The following NEGR1 variants were observed in gnomAD, a reference collection of about 807,000 sequenced individuals.
NEGR1 encodes the protein neuronal growth regulator 1, also known as IgLON family member 4.
In NEGR1, 10 loss-of-function variants were observed where a neutral mutation model predicts 40.9. That is an observed-to-expected ratio of 0.24 (90% CI 0.15 to 0.42). The LOEUF (loss-of-function observed/expected upper bound fraction) is 0.42, where lower values mean the gene tolerates loss of function less well. NEGR1 is among the 10% of genes least tolerant of loss of function. The probability of loss-of-function intolerance (pLI) is 1.00; values close to 1 mark genes in which losing one functional copy is unlikely to be tolerated. For synonymous variants in NEGR1, 185 were observed against 166.8 expected (o/e 1.11, Z -0.84); for missense variants, 352 against 438.9 (o/e 0.80, Z 1.77).
At chr1:71,824,326 A>G (rs1396103419) in intron 2 of NEGR1, among the ~76,000 whole-genome samples, 2 of 151,796 alleles carry the variant, frequency 1.3e-5, no homozygotes, top group Non-Finnish European at 2.9e-5. Flanking sequence ...TGCTAAATAT[A>G]TAAATACATT....
rs186845574 is a variant in NEGR1 at position 72,134,493 on chromosome 1, C to T, written c.176+147826G>A. 2.9e-3 allele frequency among the ~76,000 whole-genome samples: 440 copies of T among 151,402 alleles called. 1 individual carries two copies. The highest frequency in any genetic ancestry group is 5.4e-3 in the Non-Finnish European group (363 of 67,792). ...TGCTGGGATTACAAGCGTGAGCCACCGCACCTGGCTATTTTTTGGGGAAAT... is the reference window on the plus strand; with the variant it reads ...TGCTGGGATTACAAGCGTGAGCCACTGCACCTGGCTATTTTTTGGGGAAAT... On this transcript the variant is annotated intron_variant, in intron 1 of 6. Transcript: ENST00000357731.
intron 5 of NEGR1, among the ~76,000 whole-genome samples, chr1:71,598,409 A>G (rs1649799420): frequency 6.6e-6 from 1 of 152,162 alleles, no homozygotes; most frequent in African/African-American, 2.4e-5. Context: ...TACTATCTGG[A>G]TATATCTCTG....
At chr1:71,420,284 T>C (rs1450860100) in intron 6 of NEGR1, among the ~76,000 whole-genome samples, 1 of 152,090 alleles carries the variant, frequency 6.6e-6, no homozygotes, top group Non-Finnish European at 1.5e-5. Flanking sequence ...AATATATACA[T>C]TTAAACATAT....
At chr1:72,027,804 G>A (rs988647187) in intron 1 of NEGR1, among the ~76,000 whole-genome samples, 5 of 152,120 alleles carry the variant, frequency 3.3e-5, no homozygotes, top group African/African-American at 9.7e-5. Flanking sequence ...GGTGATCCCT[G>A]GACAGATAGC....
intron 1 of NEGR1, among the ~76,000 whole-genome samples, chr1:72,202,016 C>T (rs138894509): frequency 6.6e-6 from 1 of 152,030 alleles, no homozygotes; most frequent in Non-Finnish European, 1.5e-5. Flanking sequence ...ACATCACGTA[C>T]TTACTTCATG....
intron 1 of NEGR1, among the ~76,000 whole-genome samples, chr1:72,265,676 T>C (rs1655613906): frequency 6.6e-6 from 1 of 151,050 alleles, no homozygotes; most frequent in Admixed American, 6.6e-5. Context: ...AGGCATGCAC[T>C]ATTAAGCATA....
At chr1:72,166,954 G>T (rs1005561955) in intron 1 of NEGR1, among the ~76,000 whole-genome samples, 1 of 152,026 alleles carries the variant, frequency 6.6e-6, no homozygotes, top group Non-Finnish European at 1.5e-5. Context: ...TGGCTTGATT[G>T]AAGTGACAGA....
At chr1:72,115,414 C>T (rs546774207) in intron 1 of NEGR1, among the ~76,000 whole-genome samples, 14 of 151,766 alleles carry the variant, frequency 9.2e-5, no homozygotes, top group African/African-American at 3.1e-4. Flanking sequence ...TTAATCCCTA[C>T]AATTGTGTAG....
At chr1:71,602,865 G>A (rs1557583652) in intron 5 of NEGR1, among the ~76,000 whole-genome samples, 1 of 152,230 alleles carries the variant, frequency 6.6e-6, no homozygotes, top group South Asian at 2.1e-4. Context: ...TGTCTCACAC[G>A]GGCATGTGCT....
At chr1:72,058,949 T>A (rs1047819672) in intron 1 of NEGR1, among the ~76,000 whole-genome samples, 6 of 151,678 alleles carry the variant, frequency 4.0e-5, no homozygotes, top group Non-Finnish European at 8.9e-5. Context: ...ATTTCTATTG[T>A]GGGGATTGTA....
chr1:72,214,941 G>T (rs1236653366), intron 1 of NEGR1, among the ~76,000 whole-genome samples: 6 of 151,480 alleles, frequency 4.0e-5, no homozygotes, highest in Admixed American at 4.0e-4. Context: ...AACAAAACTG[G>T]AGGCATCATG....
intron 6 of NEGR1, among the ~76,000 whole-genome samples, chr1:71,475,507 TC>T (rs11356494): frequency 0.011 from 1,742 of 152,154 alleles, 31 homozygotes; most frequent in African/African-American, 0.04. Context: ...GTAATTTTTT[TC>T]ATGTGTGCAA....
intron 4 of NEGR1, among the ~76,000 whole-genome samples, chr1:71,638,761 G>A (rs1570137438): frequency 6.6e-6 from 1 of 151,874 alleles, no homozygotes; most frequent in Non-Finnish European, 1.5e-5. Context: ...TCTCAGAGAA[G>A]AACGTTATTA....
chr1:72,070,850 C>T (rs1272482122), intron 1 of NEGR1, among the ~76,000 whole-genome samples: 1 of 151,914 alleles, frequency 6.6e-6, no homozygotes, highest in Non-Finnish European at 1.5e-5. Context: ...TAAGATGTTT[C>T]AAAAATTAAG....
chr1:72,255,920 A>G (rs185810549), intron 1 of NEGR1, among the ~76,000 whole-genome samples: 1 of 152,364 alleles, frequency 6.6e-6, no homozygotes, highest in East Asian at 1.9e-4. Context: ...TCCAAATTAA[A>G]TAATAGCTTA....
chr1:71,479,597 T>G (rs1290968335), intron 6 of NEGR1, among the ~76,000 whole-genome samples: 1 of 152,008 alleles, frequency 6.6e-6, no homozygotes, highest in Non-Finnish European at 1.5e-5. Context: ...TGATGGGCAA[T>G]TAAGGTAAAT....
chr1:71,704,754 T>C (rs1252429746), intron 3 of NEGR1, among the ~76,000 whole-genome samples: 2 of 151,848 alleles, frequency 1.3e-5, no homozygotes, highest in African/African-American at 4.8e-5. Context: ...ATGGAGTGGG[T>C]TAATGCTCCA....
chr1:71,594,339 A>C (rs2101523340), intron 5 of NEGR1, among the ~76,000 whole-genome samples: 1 of 152,256 alleles, frequency 6.6e-6, no homozygotes, highest in East Asian at 1.9e-4. Context: ...TAAATTATGA[A>C]AATGCTAATA....
intron 4 of NEGR1, among the ~76,000 whole-genome samples, chr1:71,695,893 T>G (rs1653460082): frequency 6.6e-6 from 1 of 151,842 alleles, no homozygotes; most frequent in African/African-American, 2.4e-5. Context: ...TTATATATTT[T>G]TTTTAAAAAG....
Sources: allele counts gnomAD v4.1 joint callset (sites outside exome capture counted in the v4.1 genomes callset), GRCh38; gene constraint gnomAD v4.1.1; transcripts MANE v1.5; gene names NCBI Gene and HGNC (gene_info 2026-07-23, HGNC 2026-07-21).